Variants in ADARB1 observed in about 807,000 individuals in gnomAD.
The protein encoded by ADARB1 is adenosine deaminase RNA specific B1, also known as double-stranded RNA-specific editase 1.
A neutral mutation model predicts 52.4 loss-of-function variants in ADARB1; 10 were observed. The observed-to-expected ratio is 0.19, with a 90% CI of 0.12 to 0.32. The LOEUF (loss-of-function observed/expected upper bound fraction) is 0.32. ADARB1 is among the 10% of genes least tolerant of loss of function. The pLI is 1.00. For missense variants in ADARB1, 643 were observed against 922.3 expected (o/e 0.70, Z 3.92); for synonymous variants, 349 against 371.1 (o/e 0.94, Z 0.68).
intron 1 of ADARB1, among the ~76,000 whole-genome samples, chr21:45,077,471 C>A (rs2085985498): frequency 6.6e-6 from 1 of 152,080 alleles, no homozygotes; most frequent in Admixed American, 6.5e-5. Context: ...CGAGACCATC[C>A]TTGCTAACAC....
At chr21:45,161,062 A>G (rs1433957186) in intron 2 of ADARB1, among the ~76,000 whole-genome samples, 2 of 152,142 alleles carry the variant, frequency 1.3e-5, no homozygotes, top group Non-Finnish European at 2.9e-5. Flanking sequence ...AGTACCATCT[A>G]GTGTTTTAGT....
At chr21:45,115,917 G>A (rs1208884899) in intron 1 of ADARB1, among the ~76,000 whole-genome samples, 1 of 152,136 alleles carries the variant, frequency 6.6e-6, no homozygotes, top group Admixed American at 6.5e-5. Context: ...TCTTTTAAGG[G>A]TATTTCTTCC....
intron 9 of ADARB1, among the ~76,000 whole-genome samples, chr21:45,214,490 C>T (rs776550677): frequency 3.9e-5 from 6 of 152,150 alleles, no homozygotes; most frequent in Non-Finnish European, 5.9e-5. Context: ...TTCTTATATT[C>T]TTGGAAATTT....
chr21:45,121,142 T>C (rs992675061), intron 1 of ADARB1, among the ~76,000 whole-genome samples: 4 of 152,208 alleles, frequency 2.6e-5, no homozygotes, highest in Non-Finnish European at 4.4e-5. Flanking sequence ...GAGTGGGGGA[T>C]GTTCCCTGTT....
rs1569191831 is a variant in ADARB1, at chr21:45,222,764, CCT to C, written c.*569_*570del. 1.0e-6 allele frequency: 1 copy of C among 985,916 alleles called. No homozygotes were observed. Among genetic ancestry groups the C allele is most frequent in the Non-Finnish European group, 1.2e-6 (1 of 830,420 alleles). 61.1% of individuals were successfully genotyped at this position (985,916 alleles called of 1,614,324 possible). On this transcript the variant is annotated 3_prime_UTR_variant, in exon 11 of 11. Transcript: ENST00000348831. ...CTTAGGTCTCTTTTCTCCGTAGGTA[CCT>C]CCCTGGGTAGTTCCACACACTAGGT...
chr21:45,207,898 A>C (rs1228650860), intron 9 of ADARB1, among the ~76,000 whole-genome samples: 2 of 152,180 alleles, frequency 1.3e-5, no homozygotes, highest in Non-Finnish European at 2.9e-5. Flanking sequence ...CTTTCTTTTA[A>C]AAAGATAATG....
At chr21:45,194,861 AT>A (rs1364976511) in intron 8 of ADARB1, among the ~76,000 whole-genome samples, 1 of 152,248 alleles carries the variant, frequency 6.6e-6, no homozygotes, top group African/African-American at 2.4e-5. Context: ...GCAATTACAA[AT>A]AAAGCAGCTA....
intron 2 of ADARB1, among the ~76,000 whole-genome samples, chr21:45,131,721 A>G (rs1008066402): frequency 2.0e-5 from 3 of 152,256 alleles, no homozygotes; most frequent in Non-Finnish European, 4.4e-5. Flanking sequence ...GAGGAGGGGC[A>G]TGGAGCCCAG....
At chr21:45,145,128 A>T (rs574370621) in intron 2 of ADARB1, 2 of 152,666 alleles carry the variant, frequency 1.3e-5, no homozygotes, top group African/African-American at 4.8e-5. Flanking sequence ...AACCAAGGAG[A>T]TCTTGAGAAC....
At chr21:45,124,593 A>C (rs2088440510) in intron 1 of ADARB1, among the ~76,000 whole-genome samples, 1 of 151,980 alleles carries the variant, frequency 6.6e-6, no homozygotes, top group African/African-American at 2.4e-5. Flanking sequence ...GCCAGGACTG[A>C]TCTTGAATTC....
chr21:45,105,306 G>T (rs956500352), intron 1 of ADARB1, among the ~76,000 whole-genome samples: 6 of 152,116 alleles, frequency 3.9e-5, no homozygotes, highest in African/African-American at 1.4e-4. Flanking sequence ...TCACCATGTT[G>T]GCTAGGCTGG....
At chr21:45,207,251 A>G (rs574519971) in intron 9 of ADARB1, among the ~76,000 whole-genome samples, 1 of 152,346 alleles carries the variant, frequency 6.6e-6, no homozygotes, top group South Asian at 2.1e-4. Context: ...TATTTTTGGT[A>G]AATGCTTTAT....
intron 8 of ADARB1, among the ~76,000 whole-genome samples, chr21:45,193,821 G>A (rs2092360266): frequency 6.6e-6 from 1 of 152,144 alleles, no homozygotes; most frequent in Non-Finnish European, 1.5e-5. Flanking sequence ...ATTGCCTAGA[G>A]AAATTAAAGA....
At chr21:45,150,749 CGTT>C (rs1051382125) in intron 2 of ADARB1, among the ~76,000 whole-genome samples, 7 of 152,180 alleles carry the variant, frequency 4.6e-5, no homozygotes, top group Admixed American at 6.5e-5. Context: ...CCTGATGTCT[CGTT>C]GTTCCACCTG....
At chr21:45,095,471 G>A (rs568058894) in intron 1 of ADARB1, among the ~76,000 whole-genome samples, 7 of 152,224 alleles carry the variant, frequency 4.6e-5, no homozygotes, top group Non-Finnish European at 1.0e-4. Context: ...CCCCAGTGGT[G>A]TGGGGCTGGG....
At chr21:45,158,115 C>T (rs1037385825) in intron 2 of ADARB1, among the ~76,000 whole-genome samples, 1 of 152,160 alleles carries the variant, frequency 6.6e-6, no homozygotes, top group Non-Finnish European at 1.5e-5. Context: ...AGGGTAACTG[C>T]GATAAAATAC....
intron 2 of ADARB1, among the ~76,000 whole-genome samples, chr21:45,161,650 G>A (rs972689147): frequency 3.3e-5 from 5 of 152,198 alleles, no homozygotes; most frequent in East Asian, 1.9e-4. Context: ...AATGGTGGCC[G>A]GAGGCAGACA....
At chr21:45,187,825 A>G (rs979258402) in intron 8 of ADARB1, among the ~76,000 whole-genome samples, 2 of 152,088 alleles carry the variant, frequency 1.3e-5, no homozygotes, top group South Asian at 2.1e-4. Flanking sequence ...ATTGATTTTC[A>G]TATGTTGAAC....
At chr21:45,159,768 A>C (rs914483785) in intron 2 of ADARB1, among the ~76,000 whole-genome samples, 8 of 152,124 alleles carry the variant, frequency 5.3e-5, no homozygotes, top group African/African-American at 1.9e-4. Context: ...AGTGTGAACA[A>C]GGTATGTCAG....
Sources: allele counts gnomAD v4.1 joint callset (sites outside exome capture counted in the v4.1 genomes callset), GRCh38; gene constraint gnomAD v4.1.1; transcripts MANE v1.5; gene names NCBI Gene and HGNC (gene_info 2026-07-23, HGNC 2026-07-21).